PSD3: variants seen among roughly 807,000 people sequenced by gnomAD.
PSD3 encodes PH and SEC7 domain-containing protein 3.
Under a neutral mutation model 105.5 loss-of-function variants are expected in PSD3, and 49 were observed. The observed-to-expected ratio is 0.46, with a 90% CI of 0.37 to 0.59. The LOEUF is 0.59. Among genes scored for constraint, PSD3 ranks in the 20% least tolerant of loss-of-function variants. The probability of loss-of-function intolerance (pLI) is 0.00; values close to 1 mark genes in which losing one functional copy is unlikely to be tolerated. For synonymous variants in PSD3, 557 were observed against 457.8 expected (o/e 1.22, Z -2.77); for missense variants, 1,561 against 1,263.8 (o/e 1.24, Z -3.57).
intron 1 of PSD3, 85 bp downstream of exon 1, chr8:19,013,478 A>G: frequency 6.4e-7 from 1 of 1,560,778 alleles, no homozygotes; most frequent in African/African-American, 1.4e-5. Flanking sequence ...TGGGGGACAG[A>G]GCGGCGACAA....
chr8:19,008,134 G>A (rs112224102), intron 1 of PSD3, among the ~76,000 whole-genome samples: 3,578 of 152,292 alleles, frequency 0.023, 159 homozygotes, highest in African/African-American at 0.082. Context: ...GTGAGCCATG[G>A]CGCCCGGCCA....
intron 9 of PSD3, among the ~76,000 whole-genome samples, chr8:18,665,512 C>G (rs1183606901): frequency 1.3e-5 from 2 of 152,024 alleles, no homozygotes; most frequent in Non-Finnish European, 2.9e-5. Context: ...GGAAACTACC[C>G]CCGGTGAAGA....
intron 2 of PSD3, among the ~76,000 whole-genome samples, chr8:18,916,325 T>C (rs1215970594): frequency 1.7e-5 from 1 of 57,604 alleles, no homozygotes; most frequent in Non-Finnish European, 3.2e-5. Flanking sequence ...TATATATATA[T>C]ATATATATAT....
chr8:18,851,812 G>A (rs903282929), intron 4 of PSD3, among the ~76,000 whole-genome samples: 6 of 152,252 alleles, frequency 3.9e-5, no homozygotes, highest in African/African-American at 1.4e-4. Context: ...ATTCTGCCTT[G>A]TGAGGATAGA....
intron 1 of PSD3, among the ~76,000 whole-genome samples, chr8:18,973,481 A>T (rs1824764201): frequency 6.6e-6 from 1 of 152,090 alleles, no homozygotes; most frequent in Non-Finnish European, 1.5e-5. Context: ...CTGTGTGTAT[A>T]CACTCTGGTG....
chr8:18,636,363 G>A (rs1053454023), intron 10 of PSD3, among the ~76,000 whole-genome samples: 1 of 152,156 alleles, frequency 6.6e-6, no homozygotes, highest in Non-Finnish European at 1.5e-5. Flanking sequence ...TTTTTGTACA[G>A]CTGTATAATG....
chr8:18,878,244 C>T (rs1817864124), intron 2 of PSD3, among the ~76,000 whole-genome samples: 1 of 152,032 alleles, frequency 6.6e-6, no homozygotes, highest in Non-Finnish European at 1.5e-5. Context: ...CATTCAGTAG[C>T]CATGCATAGA....
At chr8:18,917,585 C>A (rs1188906286) in intron 2 of PSD3, among the ~76,000 whole-genome samples, 1 of 152,130 alleles carries the variant, frequency 6.6e-6, no homozygotes, top group Non-Finnish European at 1.5e-5. Flanking sequence ...GTTACACATC[C>A]TATATGTTTC....
At chr8:18,538,579 C>G (rs1799962787) in intron 15 of PSD3, among the ~76,000 whole-genome samples, 1 of 152,052 alleles carries the variant, frequency 6.6e-6, no homozygotes, top group South Asian at 2.1e-4. Context: ...ATTCAGGAAA[C>G]CAGCGTAAGG....
intron 9 of PSD3, among the ~76,000 whole-genome samples, chr8:18,756,927 T>G (rs1020792227): frequency 1.1e-4 from 16 of 146,932 alleles, no homozygotes; most frequent in Non-Finnish European, 2.3e-4. Context: ...TCAGAACAAC[T>G]AGTGCATTCC....
chr8:18,745,937 A>G (rs1658811430), intron 9 of PSD3, among the ~76,000 whole-genome samples: 1 of 152,244 alleles, frequency 6.6e-6, no homozygotes, highest in Admixed American at 6.5e-5. Context: ...ATATCCTAGT[A>G]TACAGATAAA....
chr8:18,792,299 A>G (rs1478655861), intron 8 of PSD3, among the ~76,000 whole-genome samples: 1 of 152,228 alleles, frequency 6.6e-6, no homozygotes, highest in East Asian at 1.9e-4. Flanking sequence ...ACAGTAGGAA[A>G]GACATGGAAT....
chr8:18,626,801 G>T (rs1806513941), intron 11 of PSD3, among the ~76,000 whole-genome samples: 1 of 152,112 alleles, frequency 6.6e-6, no homozygotes, highest in Admixed American at 6.6e-5. Context: ...TCCAACAAAT[G>T]AGGTTGGTGG....
intron 1 of PSD3, among the ~76,000 whole-genome samples, chr8:19,079,979 T>C (rs1271328515): frequency 6.7e-6 from 1 of 149,678 alleles, no homozygotes; most frequent in East Asian, 2.0e-4. Flanking sequence ...AACCTCCACC[T>C]TCTGGGTTCA....
At chr8:18,828,980 G>T (rs967636620) in intron 4 of PSD3, among the ~76,000 whole-genome samples, 1 of 152,112 alleles carries the variant, frequency 6.6e-6, no homozygotes. Flanking sequence ...GCTGAGGTGG[G>T]CGGACGGCTT....
chr8:18,799,580 A>G (rs997332137), intron 7 of PSD3, among the ~76,000 whole-genome samples: 5 of 152,186 alleles, frequency 3.3e-5, no homozygotes, highest in African/African-American at 1.2e-4. Flanking sequence ...TCTCTGGAGG[A>G]CAGTTTGGTA....
At chr8:18,937,150 T>C (rs1822193271) in intron 1 of PSD3, among the ~76,000 whole-genome samples, 1 of 152,226 alleles carries the variant, frequency 6.6e-6, no homozygotes, top group African/African-American at 2.4e-5. Context: ...ATCAGGAGTG[T>C]CTCTGTTCTC....
At chr8:18,593,003 C>T (rs1310852589) in intron 12 of PSD3, among the ~76,000 whole-genome samples, 3 of 152,188 alleles carry the variant, frequency 2.0e-5, no homozygotes, top group Admixed American at 6.5e-5. Context: ...CATGTTAGAC[C>T]TAAAACCGTA....
chr8:18,593,910 T>C (rs1422151388), intron 12 of PSD3, among the ~76,000 whole-genome samples: 1 of 120,902 alleles, frequency 8.3e-6, no homozygotes, highest in Non-Finnish European at 1.6e-5. Flanking sequence ...CAGTCATAGG[T>C]GGGAATTGAA....
Sources: allele counts gnomAD v4.1 joint callset (sites outside exome capture counted in the v4.1 genomes callset), GRCh38; gene constraint gnomAD v4.1.1; transcripts MANE v1.5; gene names NCBI Gene and HGNC (gene_info 2026-07-23, HGNC 2026-07-21).